The following PPARGC1A variants were observed in gnomAD, a reference collection of about 807,000 sequenced individuals.
The protein encoded by PPARGC1A is peroxisome proliferator-activated receptor gamma coactivator 1-alpha.
PPARGC1A carries 25 observed loss-of-function variants against 88.7 expected under a neutral mutation model. The observed-to-expected ratio is 0.28, with a 90% CI of 0.21 to 0.39. The LOEUF is 0.39. Ranked by LOEUF, PPARGC1A falls within the 10% of genes least tolerant of loss-of-function variation. The pLI, the probability that PPARGC1A is intolerant of heterozygous loss-of-function variation, is 1.00. For missense variants in PPARGC1A, 880 were observed against 968.7 expected (o/e 0.91, Z 1.22); for synonymous variants, 363 against 355.6 (o/e 1.02, Z -0.24).
At chr4:24,470,061 A>G in the PPARGC1A span, among the ~76,000 whole-genome samples, 22 of 152,200 alleles carry the variant, frequency 1.4e-4, no homozygotes, top group East Asian at 3.9e-3. This position sits in a 1 kb window ranked among gnomAD's most constrained non-coding sequence, Gnocchi z 5.8. Context: ...GGAGGAATAC[A>G]AAGTGCCTGA....
chr4:23,916,723 A>G, the PPARGC1A span, among the ~76,000 whole-genome samples: 1 of 152,218 alleles, frequency 6.6e-6, no homozygotes, highest in Non-Finnish European at 1.5e-5. Context: ...AGTTGTTTCC[A>G]ATTTGTGAAA....
the PPARGC1A span, among the ~76,000 whole-genome samples, chr4:24,384,789 T>G: frequency 0.018 from 2,702 of 152,190 alleles, 49 homozygotes; most frequent in Admixed American, 0.028. Flanking sequence ...CACACAATAA[T>G]AGTGGGAGAC....
the PPARGC1A span, among the ~76,000 whole-genome samples, chr4:24,101,078 A>T: frequency 0.028 from 4,312 of 152,302 alleles, 200 homozygotes; most frequent in African/African-American, 0.097. Flanking sequence ...ATCTGCACCC[A>T]AATCTCATAT....
the PPARGC1A span, among the ~76,000 whole-genome samples, chr4:24,072,328 G>C: frequency 6.6e-6 from 1 of 151,576 alleles, no homozygotes; most frequent in African/African-American, 2.4e-5. Context: ...GGATTGATGA[G>C]GCTAGATATA....
chr4:23,857,086 C>T (rs557903511), intron 2 of PPARGC1A, among the ~76,000 whole-genome samples: 1 of 152,054 alleles, frequency 6.6e-6, no homozygotes, highest in South Asian at 2.1e-4. Flanking sequence ...CTGGCAGAGA[C>T]ACACAAATGA....
At chr4:23,968,484 C>T in the PPARGC1A span, among the ~76,000 whole-genome samples, 2 of 152,292 alleles carry the variant, frequency 1.3e-5, no homozygotes, top group African/African-American at 4.8e-5. Flanking sequence ...CCACACCTAA[C>T]GTAACTTTAG....
Position 23,814,229 on chromosome 4 carries a change from A to G in PPARGC1A, c.1254T>C (p.Asp418=), listed in dbSNP as rs1332239268. ...RQLENKDVSS[D]WQGQICSSTD... ...TGGAAGAACAAATCTGCCCCTGCCA[A>G]TCAGAGGAGACATCTTTATTTTCTA... The change falls in exon 8 of 13, where the codon GAT becomes GAC. Residue 418 remains aspartate, a synonymous_variant. Transcript: ENST00000264867. 6 of 1,613,984 alleles carry G rather than the reference A, an allele frequency of 3.7e-6. No individual in the cohort carries two copies. In the Admixed American group the frequency reaches 1.0e-4, roughly 27 times the overall value.
chr4:23,930,998 G>A, the PPARGC1A span, among the ~76,000 whole-genome samples: 27 of 152,206 alleles, frequency 1.8e-4, no homozygotes, highest in Non-Finnish European at 8.8e-5. Context: ...ACATGCCGCC[G>A]CGTGGAGTGT....
chr4:23,824,239 A>G, intron 7 of PPARGC1A, 41 bp downstream of exon 7: 2 of 1,526,230 alleles, frequency 1.3e-6, no homozygotes, highest in Non-Finnish European at 1.8e-6. Flanking sequence ...ACACATATAC[A>G]GACAGACACA....
chr4:24,202,948 A>G, the PPARGC1A span, among the ~76,000 whole-genome samples: 1 of 152,190 alleles, frequency 6.6e-6, no homozygotes, highest in East Asian at 1.9e-4. Flanking sequence ...AGGGCAGGTC[A>G]CCAAATCCAT....
the PPARGC1A span, among the ~76,000 whole-genome samples, chr4:24,382,236 A>G: frequency 1.1e-3 from 167 of 152,346 alleles, 1 homozygote; most frequent in Non-Finnish European, 1.7e-3. Context: ...AATTGCATGA[A>G]ACAAAGCTGA....
the PPARGC1A span, among the ~76,000 whole-genome samples, chr4:24,065,471 C>T: frequency 2.0e-5 from 3 of 152,266 alleles, no homozygotes; most frequent in East Asian, 3.9e-4. Flanking sequence ...GTTCTCCGTT[C>T]GGCAATGCCT....
intron 12 of PPARGC1A, among the ~76,000 whole-genome samples, chr4:23,801,213 A>AGG (rs1491275887): frequency 1.3e-5 from 2 of 150,948 alleles, no homozygotes; most frequent in Non-Finnish European, 3.0e-5. Flanking sequence ...ACACACACAC[A>AGG]TGAATCATAA....
chr4:24,123,992 G>C, the PPARGC1A span, among the ~76,000 whole-genome samples: 3 of 151,754 alleles, frequency 2.0e-5, no homozygotes, highest in African/African-American at 4.8e-5. Flanking sequence ...AAAGTATTGA[G>C]ATTGGGTGAC....
At chr4:24,304,717 G>A in the PPARGC1A span, among the ~76,000 whole-genome samples, 2 of 152,262 alleles carry the variant, frequency 1.3e-5, no homozygotes, top group Middle Eastern at 3.4e-3. Flanking sequence ...TGAGGGGGAT[G>A]TTATTAAAAA....
chr4:24,028,280 GACA>G, the PPARGC1A span, among the ~76,000 whole-genome samples: 2,425 of 152,238 alleles, frequency 0.016, 67 homozygotes, highest in African/African-American at 0.055. Flanking sequence ...TAAGAAAACT[GACA>G]ACATTTTCTG....
the PPARGC1A span, among the ~76,000 whole-genome samples, chr4:24,242,002 A>G: frequency 5.3e-5 from 8 of 152,192 alleles, no homozygotes; most frequent in Non-Finnish European, 1.2e-4. Flanking sequence ...GGAGGCAATA[A>G]TCAGAGTGCT....
chr4:23,912,651 T>C, the PPARGC1A span, among the ~76,000 whole-genome samples: 4 of 152,096 alleles, frequency 2.6e-5, no homozygotes, highest in Non-Finnish European at 5.9e-5. Context: ...CTATGAGCTA[T>C]GAAACCTGCC....
At chr4:23,951,605 G>A in the PPARGC1A span, among the ~76,000 whole-genome samples, 1,377 of 152,212 alleles carry the variant, frequency 9.0e-3, 24 homozygotes, top group African/African-American at 0.032. Context: ...AGGAACAGCA[G>A]GATACATGAA....
Sources: gnomAD v4.1 joint callset for allele counts (sites outside exome capture counted in the v4.1 genomes callset) on GRCh38, gnomAD v4.1.1 for gene constraint, Gnocchi (gnomAD v3.1) non-coding constraint, MANE v1.5 for transcripts, NCBI Gene and HGNC (gene_info 2026-07-23, HGNC 2026-07-21) for gene names.